The following PLEKHA8 variants were observed in gnomAD, a reference collection of about 807,000 sequenced individuals.
PLEKHA8 encodes pleckstrin homology domain-containing family A member 8.
A neutral mutation model predicts 68.2 loss-of-function variants in PLEKHA8; 36 were observed. The observed-to-expected ratio is 0.53, with a 90% CI of 0.40 to 0.70. The LOEUF is 0.70. Among genes scored for constraint, PLEKHA8 ranks in the 30% least tolerant of loss-of-function variants. The pLI, the probability that PLEKHA8 is intolerant of heterozygous loss-of-function variation, is 0.00. For missense variants in PLEKHA8, 505 were observed against 615.4 expected, an observed-to-expected ratio of 0.82 and a Z score of 1.90; for synonymous variants, 211 against 216.1, an observed-to-expected ratio of 0.98 and a Z score of 0.20.
chr7:30,060,603 G>A (rs1020731018), intron 9 of PLEKHA8, among the ~76,000 whole-genome samples: 2 of 152,100 alleles, frequency 1.3e-5, no homozygotes, highest in African/African-American at 4.8e-5. Context: ...TACCATATTG[G>A]ACAGTGCAGC....
At chr7:30,035,634 AT>A (rs1791005308) in intron 1 of PLEKHA8, among the ~76,000 whole-genome samples, 1 of 151,568 alleles carries the variant, frequency 6.6e-6, no homozygotes, top group South Asian at 2.1e-4. Context: ...ATATATTCTT[AT>A]TTACTTATTT....
At chr7:30,114,381 C>G (rs188734019) in intron 13 of PLEKHA8, among the ~76,000 whole-genome samples, 2 of 152,210 alleles carry the variant, frequency 1.3e-5, no homozygotes, top group African/African-American at 2.4e-5. Flanking sequence ...AAGTGACACA[C>G]CCAAGGTCAC....
In PLEKHA8 at chr7:30,083,873, G is replaced by C; in HGVS notation, c.*5086G>C. On this transcript the variant is annotated 3_prime_UTR_variant, in exon 14 of 14. Coordinates refer to ENST00000449726, the MANE Select transcript of PLEKHA8 (RefSeq NM_001197026.2). The stretch of plus-strand genomic sequence containing the variant: ...GATGGTTGATACCCCTTACAAAGTC[G>C]ATCTTACCCACACAGACTCCTGTGT... 1.0e-6 allele frequency: 1 copy of C among 985,340 alleles called. No individual in the cohort carries two copies. The highest frequency in any genetic ancestry group is 4.7e-5 in the South Asian group (1 of 21,282). The allele number at this position is 985,340 out of a possible 1,614,324, so 61.0% of individuals were successfully genotyped here.
chr7:30,028,739 G>A lies in PLEKHA8; in HGVS notation c.-24G>A. 1.6e-6 allele frequency: 2 copies of A among 1,254,532 alleles called. No individual in the cohort carries two copies. Among genetic ancestry groups the A allele is most frequent in the Non-Finnish European group, 2.0e-6 (2 of 992,860 alleles). The allele number at this position is 1,254,532 out of a possible 1,614,324, so 77.7% of individuals were successfully genotyped here. A position where few individuals can be genotyped will look rare whatever the true frequency, so the allele number is the denominator to read the frequency against. The stretch of plus-strand genomic sequence containing the variant: ...TGGGGCAGTGAGGGGGCCGGCGGGC[G>A]TGGGCCGAGTGGCCGCGGGCGCCAT... On this transcript the variant is annotated 5_prime_UTR_variant, in exon 1 of 14. In the 5' UTR this introduces an upstream ATG that the reference lacks. Coordinates refer to ENST00000449726, the MANE Select transcript of PLEKHA8 (RefSeq NM_001197026.2).
At chr7:30,043,859 T>G (rs893873420) in intron 1 of PLEKHA8, among the ~76,000 whole-genome samples, 3 of 152,066 alleles carry the variant, frequency 2.0e-5, no homozygotes, top group Non-Finnish European at 4.4e-5. Flanking sequence ...CCATCAGATG[T>G]CTGTAGCTGA....
At chr7:30,122,660 T>G (rs537117129) in intron 13 of PLEKHA8, among the ~76,000 whole-genome samples, 2 of 152,276 alleles carry the variant, frequency 1.3e-5, no homozygotes, top group South Asian at 4.1e-4. Context: ...ACTCCTGAGT[T>G]TGAGGTGAGC....
chr7:30,106,565 G>C (rs59063649), intron 13 of PLEKHA8, among the ~76,000 whole-genome samples: 109 of 152,120 alleles, frequency 7.2e-4, no homozygotes, highest in African/African-American at 2.6e-3. Context: ...TTGTCTCTCT[G>C]GACCAATATC....
Position 30,081,495 on chromosome 7 carries a change from T to TG in PLEKHA8, c.*2709dup, listed in dbSNP as rs550362581. 1 of 985,196 alleles carries TG rather than the reference T, an allele frequency of 1.0e-6. No individual in the cohort carries two copies. Among genetic ancestry groups the TG allele is most frequent in the Non-Finnish European group, 1.2e-6 (1 of 829,812 alleles). The allele number at this position is 985,196 out of a possible 1,614,324, so 61.0% of individuals were successfully genotyped here. On this transcript the variant is annotated 3_prime_UTR_variant, in exon 14 of 14. Coordinates refer to ENST00000449726, the MANE Select transcript of PLEKHA8 (RefSeq NM_001197026.2). Reference sequence around the variant, plus strand: ...TTTTAGTTAAAGTCATAATTTGCGCTGATGTGTAATCACTTTCCAAGAAGA... The same window carrying TG: ...TTTTAGTTAAAGTCATAATTTGCGCTGGATGTGTAATCACTTTCCAAGAAGA...
At chr7:30,114,581 A>G (rs1010549925) in intron 13 of PLEKHA8, among the ~76,000 whole-genome samples, 1 of 152,134 alleles carries the variant, frequency 6.6e-6, no homozygotes, top group African/African-American at 2.4e-5. Context: ...TTGTCATTCT[A>G]TTATATGAAG....
intron 13 of PLEKHA8, among the ~76,000 whole-genome samples, chr7:30,104,988 A>T (rs1339922138): frequency 3.3e-5 from 5 of 151,882 alleles, no homozygotes; most frequent in Non-Finnish European, 7.4e-5. Context: ...AGCCTCCCAG[A>T]GTGCTGGGAT....
At chr7:30,071,044 A>G (rs1279452034) in intron 12 of PLEKHA8, among the ~76,000 whole-genome samples, 1 of 152,212 alleles carries the variant, frequency 6.6e-6, no homozygotes, top group African/African-American at 2.4e-5. Flanking sequence ...ACAGGGGGAA[A>G]AAACTAGCAG....
At chr7:30,072,145 T>G (rs1405801897) in intron 12 of PLEKHA8, 1 of 152,210 alleles carries the variant, frequency 6.6e-6, no homozygotes, top group Admixed American at 6.5e-5. Context: ...AGTTTAATTT[T>G]GGGTTCTCCT....
Position 30,115,940 on chromosome 7 carries a change from G to A in PLEKHA8, c.1363-13326G>A, listed in dbSNP as rs531195529. On this transcript the variant is annotated intron_variant, in intron 13 of 13. Transcript: ENST00000396257. ...CGTGCGTGTACATACATGTATACAT[G>A]CACACATACGCATACATGCATGCAT... 67 of 118,822 alleles carry A rather than the reference G, an allele frequency of 5.6e-4. 2 individuals are homozygous for A. The highest frequency in any genetic ancestry group is 4.0e-3 in the Admixed American group (50 of 12,522). The allele number at this position is 118,822 out of a possible 1,614,324, so 7.4% of individuals were successfully genotyped here. A position where few individuals can be genotyped will look rare whatever the true frequency, so the allele number is the denominator to read the frequency against.
At chr7:30,032,703 A>G (rs530968841) in intron 1 of PLEKHA8, among the ~76,000 whole-genome samples, 18 of 152,324 alleles carry the variant, frequency 1.2e-4, no homozygotes, top group Admixed American at 9.8e-4. Context: ...GGGGGTGGGA[A>G]GTGGGGAGGA....
chr7:30,086,850 A>G (rs1489732172), downstream of PLEKHA8, among the ~76,000 whole-genome samples: 1 of 152,172 alleles, frequency 6.6e-6, no homozygotes, highest in Non-Finnish European at 1.5e-5. Flanking sequence ...GTGTGTCCAC[A>G]TGGATTGACA....
At chr7:30,042,530 G>C (rs550282527) in intron 1 of PLEKHA8, among the ~76,000 whole-genome samples, 1 of 152,320 alleles carries the variant, frequency 6.6e-6, no homozygotes, top group African/African-American at 2.4e-5. Flanking sequence ...TCATGGGAGT[G>C]AAAAGATGCT....
chr7:30,055,202 G>T, intron 8 of PLEKHA8, 55 bp from the exon 9 acceptor site: 1 of 1,486,008 alleles, frequency 6.7e-7, no homozygotes, highest in Non-Finnish European at 9.4e-7. Context: ...CTGAATTGCA[G>T]AGTGCTGATA....
chr7:30,061,096 G>A (rs1471501386), intron 10 of PLEKHA8, among the ~76,000 whole-genome samples, 154 bp downstream of exon 10: 1 of 152,180 alleles, frequency 6.6e-6, no homozygotes, highest in Non-Finnish European at 1.5e-5. Flanking sequence ...TGAATGCTCA[G>A]TAAGGGAATT....
At chr7:30,045,318 CAT>C in intron 2 of PLEKHA8, 117 bp downstream of exon 2, 1 of 709,522 alleles carries the variant, frequency 1.4e-6, no homozygotes, top group Non-Finnish European at 2.3e-6. Flanking sequence ...GACCAAGGGA[CAT>C]AGTGTTATGT....
Sources: gnomAD v4.1 joint callset for allele counts (sites outside exome capture counted in the v4.1 genomes callset) on GRCh38, gnomAD v4.1.1 for gene constraint, MANE v1.5 for transcripts, NCBI Gene and HGNC (gene_info 2026-07-23, HGNC 2026-07-21) for gene names.